Variants in DLGAP2 observed in about 807,000 individuals in gnomAD.
DLGAP2 encodes the protein disks large-associated protein 2.
DLGAP2 carries 26 observed loss-of-function variants against 100.3 expected under a neutral mutation model. The ratio of observed to expected loss-of-function variants is 0.26; its 90% CI spans 0.19 to 0.36. The LOEUF (loss-of-function observed/expected upper bound fraction) is 0.36. Ranked by LOEUF, DLGAP2 falls within the 10% of genes least tolerant of loss-of-function variation. DLGAP2 has a pLI of 1.00. For synonymous variants in DLGAP2, 886 were observed against 630.1 expected, an observed-to-expected ratio of 1.41 and a Z score of -6.08; for missense variants, 1,858 against 1,453.2, an observed-to-expected ratio of 1.28 and a Z score of -4.53.
intron 2 of DLGAP2, among the ~76,000 whole-genome samples, chr8:1,167,599 TTAAAA>T (rs1352154925): frequency 1.6e-4 from 25 of 152,340 alleles, no homozygotes; most frequent in African/African-American, 5.8e-4. Flanking sequence ...GAGGTAATAC[TTAAAA>T]TTATATTGCA....
intron 2 of DLGAP2, among the ~76,000 whole-genome samples, chr8:1,174,382 TACC>T (rs1472036634): frequency 1.3e-5 from 2 of 151,190 alleles, no homozygotes; most frequent in South Asian, 4.2e-4. Context: ...TCATTACCAT[TACC>T]ACCATCATCA....
At chr8:1,337,677 A>G in intron 3 of DLGAP2, among the ~76,000 whole-genome samples, 1 of 152,164 alleles carries the variant, frequency 6.6e-6, no homozygotes, top group Non-Finnish European at 1.5e-5. Flanking sequence ...CAAAAGCATA[A>G]GCAACACAAG....
intron 2 of DLGAP2, among the ~76,000 whole-genome samples, chr8:972,332 A>G (rs1800033831): frequency 6.6e-6 from 1 of 152,240 alleles, no homozygotes; most frequent in Admixed American, 6.5e-5. Context: ...TAAGACCTAG[A>G]TATAGCAGAG....
At chr8:1,693,414 A>C (rs889212956) in intron 13 of DLGAP2, among the ~76,000 whole-genome samples, 1 of 151,866 alleles carries the variant, frequency 6.6e-6, no homozygotes, top group African/African-American at 2.4e-5. Context: ...GGCTGACTAA[A>C]GTATTCACTA....
At chr8:1,692,627 A>G (rs186913308) in intron 13 of DLGAP2, among the ~76,000 whole-genome samples, 1 of 152,164 alleles carries the variant, frequency 6.6e-6, no homozygotes, top group South Asian at 2.1e-4. Flanking sequence ...TATTACGTCT[A>G]ATGTCACAAA....
At chr8:755,876 A>G (rs992392239) in intron 1 of DLGAP2, among the ~76,000 whole-genome samples, 1 of 152,240 alleles carries the variant, frequency 6.6e-6, no homozygotes, top group Non-Finnish European at 1.5e-5. Flanking sequence ...CCACCCACAC[A>G]CCAGAAACCA....
intron 3 of DLGAP2, among the ~76,000 whole-genome samples, chr8:1,373,434 G>A (rs1249424362): frequency 6.6e-6 from 1 of 152,194 alleles, no homozygotes; most frequent in Non-Finnish European, 1.5e-5. Flanking sequence ...AAGGACGGGG[G>A]GCCGGACAGA....
At chr8:1,079,827 C>T (rs950336406) in intron 2 of DLGAP2, among the ~76,000 whole-genome samples, 3 of 152,234 alleles carry the variant, frequency 2.0e-5, no homozygotes, top group Non-Finnish European at 2.9e-5. Context: ...CAATTTGGGT[C>T]TGAAACGTCA....
intron 2 of DLGAP2, among the ~76,000 whole-genome samples, chr8:1,090,200 G>C (rs1037306687): frequency 7.6e-5 from 11 of 145,592 alleles, no homozygotes; most frequent in African/African-American, 2.8e-4. Flanking sequence ...CCTGCTGCCT[G>C]TCTGCGCTCT....
intron 2 of DLGAP2, among the ~76,000 whole-genome samples, chr8:1,015,021 T>TGA (rs1216682963): frequency 4.2e-4 from 7 of 16,772 alleles, no homozygotes; most frequent in African/African-American, 1.3e-3. Context: ...ACTGTGTGTG[T>TGA]GACCAGGACA....
chr8:1,238,430 T>TTCTAGTTCTCTCACATGGCGCCGTG (rs1798712271), intron 2 of DLGAP2, among the ~76,000 whole-genome samples: 3 of 80,070 alleles, frequency 3.7e-5, no homozygotes, highest in Non-Finnish European at 7.6e-5. Context: ...ATGGTGCCGT[T>TTCTAGTTCTCTCACATGGCGCCGTG]TCTAGTTCTC....
intron 14 of DLGAP2, among the ~76,000 whole-genome samples, chr8:1,698,245 T>C (rs947597532): frequency 2.0e-5 from 3 of 152,300 alleles, no homozygotes; most frequent in Admixed American, 1.3e-4. Context: ...AGGGTCCACG[T>C]AAGCCATGCG....
chr8:1,206,443 TGGA>T (rs1797992998), intron 2 of DLGAP2, among the ~76,000 whole-genome samples: 1 of 152,064 alleles, frequency 6.6e-6, no homozygotes, highest in Non-Finnish European at 1.5e-5. Flanking sequence ...CAGCCATCCG[TGGA>T]CTGGGGTAGA....
intron 3 of DLGAP2, among the ~76,000 whole-genome samples, chr8:1,486,633 A>T (rs780874385): frequency 1.4e-5 from 2 of 142,708 alleles, no homozygotes; most frequent in Non-Finnish European, 3.1e-5. Flanking sequence ...CCACAACACT[A>T]ACAGAACTGC....
intron 12 of DLGAP2, among the ~76,000 whole-genome samples, chr8:1,691,070 C>T (rs1342047107): frequency 6.6e-6 from 1 of 152,106 alleles, no homozygotes; most frequent in African/African-American, 2.4e-5. Flanking sequence ...TAATTGAATC[C>T]AATGAGAGAA....
At chr8:1,573,559 G>C (rs563647847) in intron 6 of DLGAP2, among the ~76,000 whole-genome samples, 3 of 152,194 alleles carry the variant, frequency 2.0e-5, no homozygotes, top group African/African-American at 7.2e-5. Flanking sequence ...GCATATTCTT[G>C]CTTAAGTTAT....
chr8:1,094,499 C>A (rs1288207979), intron 2 of DLGAP2, among the ~76,000 whole-genome samples: 1 of 152,144 alleles, frequency 6.6e-6, no homozygotes, highest in Non-Finnish European at 1.5e-5. Flanking sequence ...GCTTCAAGTG[C>A]TTTTCTCTGT....
At chr8:1,177,151 G>T (rs924342005) in intron 2 of DLGAP2, among the ~76,000 whole-genome samples, 5 of 152,168 alleles carry the variant, frequency 3.3e-5, no homozygotes, top group African/African-American at 1.2e-4. Flanking sequence ...ACGCACGCAC[G>T]CCCAGCACCC....
chr8:1,496,150 C>T (rs1584954927), intron 3 of DLGAP2, among the ~76,000 whole-genome samples: 1 of 152,182 alleles, frequency 6.6e-6, no homozygotes, highest in African/African-American at 2.4e-5. Context: ...ATCGGTCACT[C>T]ACCTGCCCAC....
Sources: allele counts gnomAD v4.1 joint callset (sites outside exome capture counted in the v4.1 genomes callset), GRCh38; gene constraint gnomAD v4.1.1; transcripts MANE v1.5; gene names NCBI Gene and HGNC (gene_info 2026-07-23, HGNC 2026-07-21).